CLDN2: variants seen among roughly 807,000 people sequenced by gnomAD.
CLDN2 encodes the protein claudin-2.
CLDN2 carries 1 observed loss-of-function variant against 8.2 expected under a neutral mutation model. The observed-to-expected ratio is 0.12, with a 90% CI of 0.04 to 0.58. CLDN2 has a LOEUF of 0.58. Ranked by LOEUF, CLDN2 falls within the 20% of genes least tolerant of loss-of-function variation. The pLI is 0.90. For missense variants in CLDN2, 108 were observed against 172.9 expected (o/e 0.62, Z 2.11); for synonymous variants, 70 against 70.2 (o/e 1.00, Z 0.01).
intron 1 of CLDN2, chrX:106,902,248 GA>G: frequency 9.1e-7 from 1 of 1,099,957 alleles, no homozygotes; most frequent in Non-Finnish European, 1.2e-6. Context: ...ATCCGTAGAG[GA>G]AGAGACTGAA....
At position 106,930,369 on chromosome X, in the gene CLDN2, G is replaced by C. The variant is rs1293133173; in HGVS notation, c.*1448G>C. 8.1e-6 allele frequency: 1 copy of C among 122,796 alleles called. No homozygotes were observed. Among genetic ancestry groups the C allele is most frequent in the Admixed American group, 9.4e-5 (1 of 10,587 alleles). 10.1% of individuals were successfully genotyped at this position (122,796 alleles called of 1,213,427 possible). A position where few individuals can be genotyped will look rare whatever the true frequency, so the allele number is the denominator to read the frequency against. ...CCCTTTACCCTGGAGTGGGAGTGAG[G>C]GGTCATACACCAAAGGTATTTTCCC... On this transcript the variant is annotated 3_prime_UTR_variant, in exon 2 of 2. Transcript: ENST00000336803.
intron 1 of CLDN2, among the ~76,000 whole-genome samples, chrX:106,921,092 C>T (rs1300549630): frequency 8.9e-6 from 1 of 112,322 alleles, no homozygotes; most frequent in African/African-American, 3.2e-5. Context: ...CTTCAAGTGC[C>T]CTCTTTGAAA....
chrX:106,909,203 C>G lies in CLDN2; in HGVS notation c.-179+8699C>G, dbSNP rs770686652. Among the ~76,000 whole-genome samples the G allele has an allele frequency of 8.0e-5, 9 of 112,405 alleles. No individual in the cohort carries two copies. The South Asian group carries it at 3.4e-3, about 42-fold the overall frequency. On this transcript the variant is annotated intron_variant, in intron 1 of 1. Coordinates refer to the CLDN2 transcript ENST00000541806. ...TCTAAGCACTCTGCGTGAATTAATTCAAGTCTCACAAACAACCCAGTGAGG... is the reference window on the plus strand; with the variant it reads ...TCTAAGCACTCTGCGTGAATTAATTGAAGTCTCACAAACAACCCAGTGAGG...
upstream of CLDN2, among the ~76,000 whole-genome samples, chrX:106,918,205 C>T (rs1933339586): frequency 8.9e-6 from 1 of 112,449 alleles, no homozygotes; most frequent in African/African-American, 3.2e-5. Flanking sequence ...CATTCATTCA[C>T]CCAGCCTTGG....
chrX:106,921,803 G>A (rs1347609289), intron 1 of CLDN2, among the ~76,000 whole-genome samples: 1 of 112,087 alleles, frequency 8.9e-6, no homozygotes, highest in East Asian at 2.8e-4. Context: ...CAGTCCTTGG[G>A]CCATGGAGTA....
chrX:106,917,474 T>C (rs1461498241), upstream of CLDN2, among the ~76,000 whole-genome samples: 6 of 111,721 alleles, frequency 5.4e-5, no homozygotes, highest in Non-Finnish European at 1.1e-4. Context: ...CATTGGTAAC[T>C]GTGACAAGAA....
At chrX:106,916,400 G>A (rs1178478392), upstream of CLDN2, among the ~76,000 whole-genome samples, 1 of 111,237 alleles carries the variant, frequency 9.0e-6, no homozygotes, top group Non-Finnish European at 1.9e-5. Flanking sequence ...AGCCAGTCGG[G>A]AGAGTGGGGA....
intron 1 of CLDN2, among the ~76,000 whole-genome samples, chrX:106,925,237 A>G (rs1415648814): frequency 1.8e-5 from 2 of 112,035 alleles, no homozygotes; most frequent in African/African-American, 6.5e-5. Flanking sequence ...GAAACACTAC[A>G]TAAGTGTTGC....
At chrX:106,914,113 C>T (rs760840041), upstream of CLDN2, among the ~76,000 whole-genome samples, 2 of 108,252 alleles carry the variant, frequency 1.8e-5, no homozygotes, top group African/African-American at 3.4e-5. Context: ...CCACCACGCC[C>T]GGCTAATTTT....
Position 106,928,103 on chromosome X carries a change from A to G in CLDN2, c.-126A>G. 2.0e-6 allele frequency: 1 copy of G among 500,801 alleles called. No homozygotes were observed. The allele number at this position is 500,801 out of a possible 1,213,427, so 41.3% of individuals were successfully genotyped here. ...TTGTGGCCACCCACAGACACTTGTA[A>G]GGAGGAGAGAAGTCAGCCTGGCAGA... On this transcript the variant is annotated 5_prime_UTR_variant, in exon 2 of 2. Transcript: ENST00000336803.
intron 1 of CLDN2, among the ~76,000 whole-genome samples, chrX:106,907,803 G>A (rs1170655667): frequency 2.7e-5 from 3 of 110,471 alleles, no homozygotes; most frequent in African/African-American, 6.5e-5. Flanking sequence ...GTAGTAAAAT[G>A]TTCTTTGAAA....
In CLDN2 at chrX:106,928,176, A is replaced by C. The variant is rs1569290124; in HGVS notation, c.-53A>C. 3.1e-6 allele frequency: 3 copies of C among 955,447 alleles called. No homozygotes were observed. In the Admixed American group the frequency reaches 7.4e-5, roughly 24 times the overall value. The allele number at this position is 955,447 out of a possible 1,213,427, so 78.7% of individuals were successfully genotyped here. On this transcript the variant is annotated 5_prime_UTR_variant, in exon 2 of 2. Coordinates refer to ENST00000336803, the MANE Select transcript of CLDN2 (RefSeq NM_020384.4). Reference sequence around the variant, plus strand: ...GAGGTGTTCAAGGAGCAAGAGCTTCAGCCTGAAGACAAGGGAGCAGTCCCT... The same window carrying C: ...GAGGTGTTCAAGGAGCAAGAGCTTCCGCCTGAAGACAAGGGAGCAGTCCCT...
At chrX:106,904,976 T>C (rs1473258361) in intron 1 of CLDN2, among the ~76,000 whole-genome samples, 11 of 112,257 alleles carry the variant, frequency 9.8e-5, no homozygotes, top group Non-Finnish European at 1.7e-4. Flanking sequence ...TTTTACTTTA[T>C]GTTTTTCTGA....
At chrX:106,924,405 A>G (rs912756761) in intron 1 of CLDN2, among the ~76,000 whole-genome samples, 5 of 111,272 alleles carry the variant, frequency 4.5e-5, no homozygotes, top group Non-Finnish European at 9.4e-5. Context: ...TGAGATACAT[A>G]GTCATGATCA....
At chrX:106,900,833 G>A in intron 1 of CLDN2, 1 of 1,211,518 alleles carries the variant, frequency 8.3e-7, no homozygotes, top group Non-Finnish European at 1.1e-6. Flanking sequence ...TGGTTGCCTG[G>A]ACAGGAAAGT....
intron 1 of CLDN2, chrX:106,900,994 A>G: frequency 1.8e-6 from 2 of 1,113,880 alleles, no homozygotes; most frequent in South Asian, 2.4e-5. Context: ...TGGCCCCTAA[A>G]CCCCTTCTCT....
Position 106,928,721 on chromosome X carries a change from T to C in CLDN2, c.493T>C (p.Tyr165His). The part of the protein sequence containing the change: ...SMKFEIGEAL[Y>H]LGIISSLFSL... ...GAAATTTGAGATTGGAGAGGCTCTT[T>C]ACTTGGGCATTATTTCTTCCCTGTT... The change falls in exon 2 of 2, where the codon TAC becomes CAC. Residue 165 changes from tyrosine to histidine, a missense_variant. Tyr to His is a moderately conservative substitution (Grantham distance 83). Transcript: ENST00000336803. The C allele has an allele frequency of 8.3e-7, 1 of 1,211,487 alleles. No individual in the cohort carries two copies. The highest frequency in any genetic ancestry group is 1.1e-6 in the Non-Finnish European group (1 of 895,346).
At chrX:106,922,205 C>T (rs950165581) in intron 1 of CLDN2, among the ~76,000 whole-genome samples, 3 of 112,322 alleles carry the variant, frequency 2.7e-5, no homozygotes, top group Admixed American at 9.4e-5. Context: ...CCCAACCATT[C>T]GCCATTTAGC....
chrX:106,900,304 T>G (rs1933070305), exon 1 of CLDN2: 1 of 114,646 alleles, frequency 8.7e-6, no homozygotes, highest in African/African-American at 3.3e-5. Flanking sequence ...GAGACGGGAC[T>G]ACATGGCCAC....
Sources: gnomAD v4.1 joint callset for allele counts (sites outside exome capture counted in the v4.1 genomes callset) on GRCh38, gnomAD v4.1.1 for gene constraint, MANE v1.5 for transcripts, NCBI Gene and HGNC (gene_info 2026-07-23, HGNC 2026-07-21) for gene names.